ABCA13: variants seen among roughly 807,000 people sequenced by gnomAD.
ABCA13 encodes ATP-binding cassette sub-family A member 13.
In ABCA13, 476 loss-of-function variants were observed where a neutral mutation model predicts 478.7. That is an observed-to-expected ratio of 0.99 (90% CI 0.92 to 1.07). The LOEUF (loss-of-function observed/expected upper bound fraction) is 1.07, where lower values mean the gene tolerates loss of function less well. Among genes scored for constraint, ABCA13 ranks in the 50% least tolerant of loss-of-function variants. The pLI is 0.00. For missense variants in ABCA13, 6,060 were observed against 5,910.6 expected (o/e 1.03, Z -0.83); for synonymous variants, 2,252 against 2,158.9 (o/e 1.04, Z -1.20).
chr7:48,415,330 T>C (rs1819832574), intron 41 of ABCA13, among the ~76,000 whole-genome samples: 1 of 151,942 alleles, frequency 6.6e-6, no homozygotes, highest in African/African-American at 2.4e-5. Flanking sequence ...TTTTGGGGGG[T>C]TATCGAGAGA....
At chr7:48,334,095 T>A (rs1393278743) in intron 27 of ABCA13, among the ~76,000 whole-genome samples, 1 of 152,080 alleles carries the variant, frequency 6.6e-6, no homozygotes, top group Non-Finnish European at 1.5e-5. Context: ...AAATGTGAGG[T>A]ATTTTGGCTG....
intron 16 of ABCA13, among the ~76,000 whole-genome samples, chr7:48,271,275 G>A (rs1036496245): frequency 3.3e-5 from 5 of 152,106 alleles, no homozygotes; most frequent in Admixed American, 6.6e-5. Context: ...AACACCTGGC[G>A]ATAAGCTACC....
chr7:48,540,088 C>T (rs1174523027), intron 55 of ABCA13, among the ~76,000 whole-genome samples: 1 of 152,022 alleles, frequency 6.6e-6, no homozygotes, highest in African/African-American at 2.4e-5. Flanking sequence ...GGAAATCCTG[C>T]TGTATGGGAT....
At chr7:48,241,089 A>G in intron 10 of ABCA13, 23 bp downstream of exon 10, 1 of 1,613,000 alleles carries the variant, frequency 6.2e-7, no homozygotes, top group African/African-American at 1.3e-5. Flanking sequence ...TCCCTGTTTG[A>G]TTATTGATTA....
intron 55 of ABCA13, among the ~76,000 whole-genome samples, chr7:48,546,202 TAAAATC>T (rs1367059015): frequency 2.0e-5 from 3 of 151,874 alleles, no homozygotes; most frequent in African/African-American, 7.2e-5. Context: ...GTAAATATGT[TAAAATC>T]AAATCAAATT....
chr7:48,223,976 A>AG (rs756246649), intron 5 of ABCA13, among the ~76,000 whole-genome samples: 19 of 129,902 alleles, frequency 1.5e-4, no homozygotes, highest in South Asian at 7.1e-4. Flanking sequence ...AAAAAAAAAA[A>AG]AGAGAGAGAG....
rs1791506933 is a variant in ABCA13 at position 48,245,345 on chromosome 7, C to CAA, written c.1391-166_1391-165dup. On this transcript the variant is annotated intron_variant, in intron 11 of 61. Transcript: ENST00000435803. ...CTTTGGAAAGGACAAAATGATATTA[C>CAA]AATGACTCCTGTTTTCCTTTCTAAG... 9.9e-5 allele frequency among the ~76,000 whole-genome samples: 15 copies of CAA among 152,268 alleles called. 1 individual carries two copies. The South Asian group carries it at 3.1e-3, about 32-fold the overall frequency.
intron 20 of ABCA13, among the ~76,000 whole-genome samples, chr7:48,293,196 C>A (rs937006895): frequency 2.7e-4 from 36 of 131,858 alleles, no homozygotes; most frequent in African/African-American, 6.8e-4. Flanking sequence ...TCTTCAGCCC[C>A]CCCCCCGCCA....
intron 48 of ABCA13, among the ~76,000 whole-genome samples, chr7:48,497,083 T>C (rs1416782290): frequency 6.6e-6 from 1 of 152,124 alleles, no homozygotes; most frequent in East Asian, 1.9e-4. Context: ...TTAGCTCTTG[T>C]ATTGTTTTCC....
intron 45 of ABCA13, among the ~76,000 whole-genome samples, chr7:48,475,071 GA>G (rs1422547550): frequency 6.6e-6 from 1 of 152,240 alleles, no homozygotes; most frequent in Non-Finnish European, 1.5e-5. Context: ...AATTGTCCTT[GA>G]ATTGACAGTG....
At chr7:48,281,006 G>A (rs957303949) in intron 18 of ABCA13, among the ~76,000 whole-genome samples, 4 of 152,164 alleles carry the variant, frequency 2.6e-5, no homozygotes, top group African/African-American at 9.7e-5. Flanking sequence ...TCCACAGAGG[G>A]AGTTTATACC....
chr7:48,635,520 G>T (rs151141955), intron 59 of ABCA13, among the ~76,000 whole-genome samples: 2 of 152,092 alleles, frequency 1.3e-5, no homozygotes, highest in South Asian at 4.1e-4. Context: ...CAATATTCTC[G>T]GCAATGCTGT....
At chr7:48,292,229 A>AC (rs1273988384) in intron 20 of ABCA13, among the ~76,000 whole-genome samples, 2 of 151,606 alleles carry the variant, frequency 1.3e-5, no homozygotes, top group Non-Finnish European at 2.9e-5. Context: ...AATTTTTCCC[A>AC]CCCCTGGTGT....
At chr7:48,171,587 G>A in intron 1 of ABCA13, 35 bp downstream of exon 1, 1 of 1,534,828 alleles carries the variant, frequency 6.5e-7, no homozygotes, top group Non-Finnish European at 8.7e-7. Context: ...TAGGGTTCCA[G>A]TGAGGTCTGG....
chr7:48,522,813 T>C (rs1355032384), intron 53 of ABCA13, among the ~76,000 whole-genome samples: 1 of 152,166 alleles, frequency 6.6e-6, no homozygotes, highest in Non-Finnish European at 1.5e-5. Context: ...TCATAAAGCT[T>C]CCCAGGTAAT....
chr7:48,641,436 G>A (rs1465621791), intron 59 of ABCA13, among the ~76,000 whole-genome samples: 3 of 152,180 alleles, frequency 2.0e-5, no homozygotes, highest in African/African-American at 7.2e-5. Context: ...GTTACACAGT[G>A]CCAGACATTG....
intron 15 of ABCA13, among the ~76,000 whole-genome samples, chr7:48,254,670 G>A (rs1402908283): frequency 2.0e-5 from 3 of 151,944 alleles, no homozygotes; most frequent in Non-Finnish European, 2.9e-5. Flanking sequence ...GAGGCATATC[G>A]CTTTAATTCA....
At chr7:48,624,567 T>C (rs535248346) in intron 59 of ABCA13, among the ~76,000 whole-genome samples, 1 of 151,538 alleles carries the variant, frequency 6.6e-6, no homozygotes, top group Non-Finnish European at 1.5e-5. Context: ...TTTTTTTTTT[T>C]AGACAGAGTT....
chr7:48,336,480 G>A (rs934608237), intron 28 of ABCA13, among the ~76,000 whole-genome samples: 3 of 152,156 alleles, frequency 2.0e-5, no homozygotes, highest in African/African-American at 4.8e-5. Context: ...GGAGAGGGTC[G>A]GGTGGAAGCA....
Sources: gnomAD v4.1 joint callset for allele counts (sites outside exome capture counted in the v4.1 genomes callset) on GRCh38, gnomAD v4.1.1 for gene constraint, MANE v1.5 for transcripts, NCBI Gene and HGNC (gene_info 2026-07-23, HGNC 2026-07-21) for gene names.